Variants in AOPEP observed in about 807,000 individuals in gnomAD.
AOPEP encodes aminopeptidase O.
A neutral mutation model predicts 98.1 loss-of-function variants in AOPEP; 77 were observed. The ratio of observed to expected loss-of-function variants is 0.78; its 90% confidence interval spans 0.65 to 0.95. AOPEP has a LOEUF of 0.95. Ranked by LOEUF, AOPEP falls within the 40% of genes least tolerant of loss-of-function variation. AOPEP has a pLI of 0.00. For missense variants in AOPEP, 1,024 were observed against 1,024.7 expected, an observed-to-expected ratio of 1.00 and a Z score of 0.01; for synonymous variants, 346 against 365.3, an observed-to-expected ratio of 0.95 and a Z score of 0.60.
intron 5 of AOPEP, among the ~76,000 whole-genome samples, chr9:94,905,643 G>A (rs1350131389): frequency 1.3e-5 from 2 of 152,000 alleles, no homozygotes; most frequent in South Asian, 2.1e-4. Context: ...CTCACCTCAC[G>A]CTTTTGCCCC....
At chr9:94,982,460 T>G (rs991382579) in intron 11 of AOPEP, among the ~76,000 whole-genome samples, 1 of 152,204 alleles carries the variant, frequency 6.6e-6, no homozygotes, top group Non-Finnish European at 1.5e-5. Flanking sequence ...TAGGCGCACA[T>G]TCTTTTGAAA....
At chr9:94,944,292 T>C (rs1055822581) in intron 7 of AOPEP, among the ~76,000 whole-genome samples, 1 of 152,198 alleles carries the variant, frequency 6.6e-6, no homozygotes, top group Non-Finnish European at 1.5e-5. Context: ...CAAATGTTCA[T>C]AACAGTATTA....
At chr9:94,807,365 A>G (rs1849466816) in intron 5 of AOPEP, among the ~76,000 whole-genome samples, 1 of 152,216 alleles carries the variant, frequency 6.6e-6, no homozygotes, top group South Asian at 2.1e-4. Context: ...CTCCCCACAC[A>G]AAGACTGACA....
intron 9 of AOPEP, among the ~76,000 whole-genome samples, chr9:94,966,207 T>C (rs113407231): frequency 5.3e-4 from 80 of 151,208 alleles, no homozygotes; most frequent in African/African-American, 1.8e-3. Flanking sequence ...CTTGGTTCTA[T>C]TGGGATGCTT....
intron 11 of AOPEP, among the ~76,000 whole-genome samples, chr9:95,001,450 T>C (rs571652539): frequency 4.9e-4 from 74 of 152,340 alleles, no homozygotes; most frequent in Middle Eastern, 3.4e-3. Context: ...GTGCTTTTAC[T>C]ACATTCTCAA....
chr9:94,887,166 C>A (rs1385343416), intron 5 of AOPEP, among the ~76,000 whole-genome samples: 1 of 140,748 alleles, frequency 7.1e-6, no homozygotes, highest in African/African-American at 2.9e-5. Context: ...CAAAGTGAGA[C>A]CCCCCCCGTC....
intron 5 of AOPEP, among the ~76,000 whole-genome samples, chr9:94,898,066 C>T (rs2049830692): frequency 1.3e-5 from 2 of 151,918 alleles, no homozygotes; most frequent in Non-Finnish European, 2.9e-5. Context: ...TCTAGAACTC[C>T]TGTCCTCAGG....
Position 94,825,497 on chromosome 9 carries a change from T to A in AOPEP, c.1364+24495T>A, listed in dbSNP as rs564578542. ...TTAAACAAGTAGTGTTGTGTGAGCC[T>A]TGGTGAAGACGCTCAGTCGTTTTAA... On this transcript the variant is annotated intron_variant, in intron 5 of 16. Transcript: ENST00000375315. 4.6e-5 allele frequency among the ~76,000 whole-genome samples: 7 copies of A among 152,370 alleles called. No individual in the cohort carries two copies. In the East Asian group the frequency reaches 1.3e-3, roughly 29 times the overall value.
chr9:94,762,547 G>A (rs1231449765), intron 2 of AOPEP, among the ~76,000 whole-genome samples: 1 of 152,102 alleles, frequency 6.6e-6, no homozygotes, highest in Non-Finnish European at 1.5e-5. Context: ...TGATAATTCA[G>A]TAAATATATA....
At chr9:95,040,989 G>T (rs2065237231) in intron 13 of AOPEP, among the ~76,000 whole-genome samples, 2 of 150,694 alleles carry the variant, frequency 1.3e-5, no homozygotes, top group African/African-American at 2.4e-5. Context: ...ACATAACATT[G>T]TGAACTTCAG....
At chr9:94,865,205 C>T (rs1366559834) in intron 5 of AOPEP, among the ~76,000 whole-genome samples, 2 of 152,116 alleles carry the variant, frequency 1.3e-5, no homozygotes, top group African/African-American at 2.4e-5. Context: ...CGTTAATCAA[C>T]AGCAATAAAC....
At chr9:95,090,519 T>C (rs2070852323), downstream of AOPEP, among the ~76,000 whole-genome samples, 1 of 152,084 alleles carries the variant, frequency 6.6e-6, no homozygotes, top group South Asian at 2.1e-4. Context: ...CCAGGGCATC[T>C]GAGGGTGACC....
intron 1 of AOPEP, among the ~76,000 whole-genome samples, chr9:94,741,252 T>C (rs1832997730): frequency 6.7e-6 from 1 of 148,192 alleles, no homozygotes; most frequent in Non-Finnish European, 1.5e-5. Context: ...CCCTTTTGTT[T>C]TTATTTTATT....
intron 5 of AOPEP, among the ~76,000 whole-genome samples, chr9:94,909,346 T>TAAAAAAA (rs3052031): frequency 1.6e-4 from 13 of 81,998 alleles, no homozygotes; most frequent in Non-Finnish European, 2.5e-4. Context: ...TTTGGAGCCT[T>TAAAAAAA]AAAAAAAAAA....
chr9:94,899,333 C>T (rs1437301153), intron 5 of AOPEP, among the ~76,000 whole-genome samples: 3 of 149,278 alleles, frequency 2.0e-5, no homozygotes, highest in African/African-American at 4.9e-5. Context: ...TATAGGCGCC[C>T]GCCACCACGC....
chr9:94,924,567 T>TTG (rs2136861685), intron 6 of AOPEP, among the ~76,000 whole-genome samples: 1 of 152,296 alleles, frequency 6.6e-6, no homozygotes, highest in East Asian at 1.9e-4. Context: ...TTGTGGTGAC[T>TTG]TGTGTGTGTG....
chr9:95,085,859 C>T (rs543151200), intron 16 of AOPEP: 45 of 1,145,026 alleles, frequency 3.9e-5, no homozygotes, highest in South Asian at 6.6e-5. Flanking sequence ...TGGCTGTGAG[C>T]GGGGCGGGGC....
At chr9:95,106,784 G>C in the AOPEP span, among the ~76,000 whole-genome samples, 1 of 152,218 alleles carries the variant, frequency 6.6e-6, no homozygotes, top group African/African-American at 2.4e-5. Context: ...TACGTAGGGG[G>C]ACAGGAGACC....
chr9:95,134,840 C>G, the AOPEP span, among the ~76,000 whole-genome samples: 1 of 152,222 alleles, frequency 6.6e-6, no homozygotes, highest in African/African-American at 2.4e-5. Context: ...CCAGGCGCCA[C>G]CGCGCAGGGG....
Sources: allele counts gnomAD v4.1 joint callset (sites outside exome capture counted in the v4.1 genomes callset), GRCh38; gene constraint gnomAD v4.1.1; transcripts MANE v1.5; gene names NCBI Gene and HGNC (gene_info 2026-07-23, HGNC 2026-07-21).